Variants in GLG1 observed in about 807,000 individuals in gnomAD.
The protein encoded by GLG1 is Golgi apparatus protein 1.
Under a neutral mutation model 160.5 loss-of-function variants are expected in GLG1, and 38 were observed. That is an observed-to-expected ratio of 0.24 (90% confidence interval 0.18 to 0.31). The LOEUF (loss-of-function observed/expected upper bound fraction) is 0.31. GLG1 is among the 10% of genes least tolerant of loss of function. The probability of loss-of-function intolerance (pLI) is 1.00; values close to 1 mark genes in which losing one functional copy is unlikely to be tolerated. For missense variants in GLG1, 1,373 were observed against 1,505.2 expected, an observed-to-expected ratio of 0.91 and a Z score of 1.45; for synonymous variants, 644 against 543.4, an observed-to-expected ratio of 1.19 and a Z score of -2.57.
At position 74,496,119 on chromosome 16, in the gene GLG1, T is replaced by A. The variant is rs573847634; in HGVS notation, c.978+322A>T. Among the ~76,000 whole-genome samples the A allele has an allele frequency of 2.3e-3, 345 of 152,104 alleles. 2 individuals carry two copies. Among genetic ancestry groups the A allele is most frequent in the Non-Finnish European group, 4.1e-3 (282 of 67,998 alleles). On this transcript the variant is annotated intron_variant, in intron 5 of 25. Transcript: ENST00000422840. ...TCTCTACAAAAAATTTTTAAAAAAA[T>A]TGGCCAGGCAAGATGGTGCTTGCCT...
chr16:74,514,331 A>G (rs2016909532), intron 2 of GLG1, among the ~76,000 whole-genome samples: 1 of 152,220 alleles, frequency 6.6e-6, no homozygotes, highest in Non-Finnish European at 1.5e-5. Context: ...CCCAAGACAC[A>G]TAATTGTCAG....
chr16:74,606,947 C>G lies in GLG1; in HGVS notation c.148G>C (p.Val50Leu), dbSNP rs760103653. The G allele has an allele frequency of 1.9e-6, 3 of 1,608,948 alleles. No homozygotes were observed. In the African/African-American group the frequency reaches 4.0e-5, roughly 21 times the overall value. ...GGGCCGCCGCCTCCGGCCTGCCCTA[C>G]GAAGGACACAAAGTTGGCCCCGGGA... ...QGPGANFVSFVGQAGGGGPAG... is the reference protein window; with the variant it reads ...QGPGANFVSFLGQAGGGGPAG... Residue 50 changes from valine (V) to leucine (L), a missense_variant, in exon 1 of 26, where the codon GTA (valine) becomes CTA (leucine). By Grantham distance (32) the Val-to-Leu change is conservative (BLOSUM62 1). Transcript: ENST00000422840.
chr16:74,562,595 G>C (rs1007371680), intron 1 of GLG1, among the ~76,000 whole-genome samples: 1 of 152,190 alleles, frequency 6.6e-6, no homozygotes, highest in African/African-American at 2.4e-5. Context: ...AAGCAGCTGG[G>C]ATTACAGGCA....
At position 74,477,494 on chromosome 16, in the gene GLG1, G is replaced by A. The variant is rs764145316; in HGVS notation, c.1867C>T (p.His623Tyr). ...ECRAEVQRILHQRAMDVKLDP... is the reference protein window; with the variant it reads ...ECRAEVQRILYQRAMDVKLDP... Reference sequence around the variant, plus strand: ...AGCTTGACATCCATGGCACGCTGGTGTAGGATCCTTTGGACTTCAGCTCGG... The same window carrying A: ...AGCTTGACATCCATGGCACGCTGGTATAGGATCCTTTGGACTTCAGCTCGG... The change falls in exon 12 of 26, where the codon CAC becomes TAC. Residue 623 changes from histidine to tyrosine, a missense_variant. Coordinates refer to ENST00000422840, the MANE Select transcript of GLG1 (RefSeq NM_001145667.2). The A allele has an allele frequency of 1.9e-6, 3 of 1,612,400 alleles. No individual in the cohort carries two copies. The highest frequency in any genetic ancestry group is 2.5e-6 in the Non-Finnish European group (3 of 1,178,512).
chr16:74,475,392 A>C (rs779714130), intron 12 of GLG1, among the ~76,000 whole-genome samples: 9 of 152,196 alleles, frequency 5.9e-5, no homozygotes, highest in Non-Finnish European at 2.9e-5. Flanking sequence ...AAGACTCTTT[A>C]TTGGCAAAGT....
intron 1 of GLG1, among the ~76,000 whole-genome samples, chr16:74,556,611 C>G (rs1391771442): frequency 2.0e-5 from 3 of 151,918 alleles, no homozygotes; most frequent in African/African-American, 7.2e-5. Context: ...TTAAGCCTAG[C>G]CATCAGAGGC....
At chr16:74,458,082 A>G (rs2014633489) in intron 23 of GLG1, 88 bp from the exon 24 acceptor site, 1 of 1,330,168 alleles carries the variant, frequency 7.5e-7, no homozygotes, top group Non-Finnish European at 1.1e-6. Context: ...TACTAATAAA[A>G]AAGGGGGGAA....
chr16:74,532,211 T>G lies in GLG1; in HGVS notation c.439-58A>C, dbSNP rs186795960. 9.4e-3 allele frequency: 5,511 copies of G among 585,974 alleles called. 107 individuals are homozygous for G. Among genetic ancestry groups the G allele is most frequent in the African/African-American group, 0.057 (2,881 of 50,582 alleles). The allele number at this position is 585,974 out of a possible 1,614,324, so 36.3% of individuals were successfully genotyped here. A position where few individuals can be genotyped will look rare whatever the true frequency, so the allele number is the denominator to read the frequency against. ...AAAAAAAAATATATATATATATATA[T>G]AGAGAACCTTTCAAGTTTTCAAACA... On this transcript the variant is annotated intron_variant, in intron 1 of 25. Transcript: ENST00000422840.
intron 1 of GLG1, chr16:74,563,011 A>G (rs2018550185): frequency 6.6e-6 from 1 of 152,240 alleles, no homozygotes; most frequent in East Asian, 1.9e-4. Flanking sequence ...AACCAGTTAG[A>G]AAAGGTTTTC....
intron 1 of GLG1, among the ~76,000 whole-genome samples, chr16:74,601,069 A>AT (rs1407356285): frequency 6.6e-6 from 1 of 152,170 alleles, no homozygotes; most frequent in Non-Finnish European, 1.5e-5. Context: ...AGGAAATTCC[A>AT]TATTGGCTCA....
At chr16:74,570,079 T>C (rs899478230) in intron 1 of GLG1, among the ~76,000 whole-genome samples, 2 of 151,696 alleles carry the variant, frequency 1.3e-5, no homozygotes, top group Non-Finnish European at 2.9e-5. Context: ...TGGCTCATAA[T>C]TTTATTGAAA....
chr16:74,566,707 A>T (rs2018663223), intron 1 of GLG1, among the ~76,000 whole-genome samples: 2 of 152,100 alleles, frequency 1.3e-5, no homozygotes, highest in African/African-American at 2.4e-5. Context: ...TATACTTTCA[A>T]AAGTATAATT....
intron 1 of GLG1, among the ~76,000 whole-genome samples, chr16:74,601,544 G>C (rs1385821464): frequency 1.3e-5 from 2 of 152,016 alleles, no homozygotes; most frequent in African/African-American, 4.8e-5. Context: ...TTCACTTTTT[G>C]TGATGTTCCA....
At chr16:74,551,707 ACCTG>A (rs1486145594) in intron 1 of GLG1, among the ~76,000 whole-genome samples, 1 of 150,772 alleles carries the variant, frequency 6.6e-6, no homozygotes, top group Non-Finnish European at 1.5e-5. Flanking sequence ...GGGGAGGGGG[ACCTG>A]CCTTTAGGTG....
intron 3 of GLG1, among the ~76,000 whole-genome samples, chr16:74,507,312 G>A (rs1254080293): frequency 6.6e-6 from 1 of 152,078 alleles, no homozygotes; most frequent in African/African-American, 2.4e-5. Flanking sequence ...TTATTCTAGT[G>A]AATATGTACA....
At chr16:74,544,471 C>T (rs1314033683) in intron 1 of GLG1, among the ~76,000 whole-genome samples, 1 of 151,886 alleles carries the variant, frequency 6.6e-6, no homozygotes, top group East Asian at 1.9e-4. Context: ...GTGGCATGTG[C>T]CACCAAGCCT....
intron 1 of GLG1, among the ~76,000 whole-genome samples, chr16:74,602,670 C>T (rs1958467047): frequency 6.6e-6 from 1 of 151,996 alleles, no homozygotes; most frequent in South Asian, 2.1e-4. Flanking sequence ...GTAGTCCCAG[C>T]TACTTGGGAG....
rs532151475 is a variant in GLG1 at position 74,515,116 on chromosome 16, C to T, written c.472-6191G>A. Among the ~76,000 whole-genome samples the T allele has an allele frequency of 1.2e-3, 184 of 152,218 alleles. 1 individual carries two copies. Among genetic ancestry groups the T allele is most frequent in the African/African-American group, 4.2e-3 (176 of 41,528 alleles). The stretch of plus-strand genomic sequence containing the variant: ...GCTAACTATCCTAAATATATATGCA[C>T]CCAATACAGGAGCACCCAGATTCAT... On this transcript the variant is annotated intron_variant, in intron 2 of 25. Coordinates refer to ENST00000422840, the MANE Select transcript of GLG1 (RefSeq NM_001145667.2).
Position 74,471,218 on chromosome 16 carries a change from C to A in GLG1, c.2184G>T (p.Lys728Asn). Reference sequence around the variant, plus strand: ...CGATGGCACACTTCTCGTTCATGTCCTTCTGGTGTTTGTTCTGTATCAGAC... The same window carrying A: ...CGATGGCACACTTCTCGTTCATGTCATTCTGGTGTTTGTTCTGTATCAGAC... ...MECLIQNKHQ[K>N]DMNEKCAIGV... Residue 728 changes from lysine (K) to asparagine (N), a missense_variant, in exon 15 of 26, where the codon AAG (lysine) becomes AAT (asparagine). Physicochemically the swap from Lys to Asn is moderately conservative, Grantham distance 94 (BLOSUM62 0). This residue lies in a region of GLG1 where 491 missense variants were observed against 632.1 expected (regional missense o/e 0.78). Transcript: ENST00000422840. 6.2e-7 allele frequency: 1 copy of A among 1,613,126 alleles called. No homozygotes were observed.
Sources: allele counts gnomAD v4.1 joint callset (sites outside exome capture counted in the v4.1 genomes callset), GRCh38; gene constraint gnomAD v4.1.1; regional missense constraint gnomAD v4.1.1; transcripts MANE v1.5; gene names NCBI Gene and HGNC (gene_info 2026-07-23, HGNC 2026-07-21).